TBC1D16: variants seen among roughly 807,000 people sequenced by gnomAD.
The protein encoded by TBC1D16 is TBC1 domain family member 16.
In TBC1D16, 58 loss-of-function variants were observed where a neutral mutation model predicts 74.7. The ratio of observed to expected loss-of-function variants is 0.78; its 90% CI spans 0.63 to 0.97. The LOEUF (loss-of-function observed/expected upper bound fraction) is 0.97, where lower values mean the gene tolerates loss of function less well. TBC1D16 is among the 50% of genes least tolerant of loss of function. The pLI, the probability that TBC1D16 is intolerant of heterozygous loss-of-function variation, is 0.00. For missense variants in TBC1D16, 1,014 were observed against 1,079.5 expected (o/e 0.94, Z 0.85); for synonymous variants, 493 against 474.7 (o/e 1.04, Z -0.50).
intron 3 of TBC1D16, among the ~76,000 whole-genome samples, chr17:79,976,392 T>C (rs1334424231): frequency 1.3e-5 from 2 of 152,174 alleles, no homozygotes; most frequent in African/African-American, 4.8e-5. Flanking sequence ...AGAAGCCCAC[T>C]GGACATTTGG....
rs62074518 is a variant in TBC1D16 at position 79,995,119 on chromosome 17, G to A, written c.779+15041C>T. Among the ~76,000 whole-genome samples the A allele has an allele frequency of 9.6e-3, 1,456 of 152,144 alleles. 17 individuals are homozygous for A. Among genetic ancestry groups the A allele is most frequent in the Non-Finnish European group, 0.016 (1,068 of 67,998 alleles). ...GTTCAAGACCAGCCTGGCCAACATG[G>A]TGAAACCCCATCTCTACTAAAAATA... On this transcript the variant is annotated intron_variant, in intron 3 of 11. Transcript: ENST00000310924.
In TBC1D16 at chr17:79,940,062, A is replaced by G. The variant is rs557288294; in HGVS notation, c.*797T>C. On this transcript the variant is annotated 3_prime_UTR_variant, in exon 12 of 12. Transcript: ENST00000310924. The surrounding 1 kb of genome is among the most constrained non-coding windows in gnomAD (Gnocchi z 5.4). The stretch of plus-strand genomic sequence containing the variant: ...TGCTGTATTTGGTGGAGTTGACCTT[A>G]AACAACGCCAAGGAACCTCACGTAG... The G allele has an allele frequency of 1.3e-5, 2 of 152,282 alleles. No individual in the cohort carries two copies. The highest frequency in any genetic ancestry group is 2.4e-5 in the African/African-American group (1 of 41,540). 9.4% of individuals were successfully genotyped at this position (152,282 alleles called of 1,614,324 possible). A position where few individuals can be genotyped will look rare whatever the true frequency, so the allele number is the denominator to read the frequency against.
chr17:79,983,015 C>T lies in TBC1D16; in HGVS notation c.779+27145G>A, dbSNP rs1291568034. The stretch of plus-strand genomic sequence containing the variant: ...CGTCATCCACGTTTGTGCGGAATCC[C>T]TGTGTGTGTGCACACGCATCCACCC... On this transcript the variant is annotated intron_variant, in intron 3 of 11. Transcript: ENST00000310924. The surrounding 1 kb of genome is among the most constrained non-coding windows in gnomAD (Gnocchi z 5.6). Among the ~76,000 whole-genome samples, 1 of 152,220 alleles carries T rather than the reference C, an allele frequency of 6.6e-6. No homozygotes were observed. Among genetic ancestry groups the T allele is most frequent in the Non-Finnish European group, 1.5e-5 (1 of 68,040 alleles).
intron 3 of TBC1D16, among the ~76,000 whole-genome samples, chr17:79,965,208 T>C (rs1385731088): frequency 4.6e-5 from 7 of 152,024 alleles, no homozygotes; most frequent in African/African-American, 1.7e-4. Context: ...GCCTCCCAAG[T>C]AGCTGGGATT....
rs907931266 is a variant in TBC1D16 at position 79,983,557 on chromosome 17, C to T, written c.779+26603G>A. ...CAGGCACGGGGAGCTGAGCCACCGACGGCTACAAAGACGGGGACGCTTTCC... is the reference window on the plus strand; with the variant it reads ...CAGGCACGGGGAGCTGAGCCACCGATGGCTACAAAGACGGGGACGCTTTCC... On this transcript the variant is annotated intron_variant, in intron 3 of 11. Transcript: ENST00000310924. This position sits in a 1 kb window ranked among gnomAD's most constrained non-coding sequence, Gnocchi z 5.6. 1.4e-4 allele frequency among the ~76,000 whole-genome samples: 22 copies of T among 152,226 alleles called. No individual in the cohort carries two copies. Among genetic ancestry groups the T allele is most frequent in the African/African-American group, 3.9e-4 (16 of 41,448 alleles).
rs1187638524 is a variant in TBC1D16 at position 79,990,904 on chromosome 17, C to A, written c.779+19256G>T. On this transcript the variant is annotated intron_variant, in intron 3 of 11. Coordinates refer to ENST00000310924, the MANE Select transcript of TBC1D16 (RefSeq NM_019020.4). The surrounding 1 kb of genome is among the most constrained non-coding windows in gnomAD (Gnocchi z 4.8). ...CGTCCTCAACTCATCCGTGTTGCGGCGCGTGTCAGAATTGCCTTCCCAAGG... is the reference window on the plus strand; with the variant it reads ...CGTCCTCAACTCATCCGTGTTGCGGAGCGTGTCAGAATTGCCTTCCCAAGG... Among the ~76,000 whole-genome samples, 1 of 152,222 alleles carries A rather than the reference C, an allele frequency of 6.6e-6. No homozygotes were observed. The highest frequency in any genetic ancestry group is 1.9e-4 in the East Asian group (1 of 5,194).
rs759693304 is a variant in TBC1D16 at position 79,940,998 on chromosome 17, G to A, written c.2165C>T (p.Ala722Val). The A allele has an allele frequency of 1.6e-5, 25 of 1,608,164 alleles. No individual in the cohort carries two copies. The highest frequency in any genetic ancestry group is 4.5e-5 in the East Asian group (2 of 44,644). ...GGGATGGTGGCCGGTGCACTCCACC[G>A]CGGGCATGGAGCCGCTGTCCCACAT... Reference protein sequence around the residue: ...SGMWDSGSMPAVECTGHHPGS... With the variant: ...SGMWDSGSMPVVECTGHHPGS... Residue 722 changes from alanine to valine, a missense_variant, in exon 12 of 12, where the codon GCG (alanine) becomes GTG (valine). Coordinates refer to ENST00000310924, the MANE Select transcript of TBC1D16 (RefSeq NM_019020.4). The surrounding 1 kb of genome is among the most constrained non-coding windows in gnomAD (Gnocchi z 5.4).
At chr17:79,958,698 C>T (rs1432936867) in intron 3 of TBC1D16, among the ~76,000 whole-genome samples, 1 of 152,218 alleles carries the variant, frequency 6.6e-6, no homozygotes, top group African/African-American at 2.4e-5. Context: ...ATCCAATGCT[C>T]ATTTATGACA....
intron 3 of TBC1D16, among the ~76,000 whole-genome samples, chr17:79,982,995 TCCA>T (rs1213351085): frequency 6.6e-6 from 1 of 152,216 alleles, no homozygotes; most frequent in African/African-American, 2.4e-5. Flanking sequence ...ACCTGCGTCA[TCCA>T]CGTTTGTGCG....
chr17:79,998,407 A>G (rs2035357819), intron 3 of TBC1D16, among the ~76,000 whole-genome samples: 1 of 151,496 alleles, frequency 6.6e-6, no homozygotes, highest in Admixed American at 6.6e-5. Context: ...AGCTCACTGC[A>G]ACCTCCGCAT....
Position 79,941,172 on chromosome 17 carries a change from G to A in TBC1D16, c.2056-65C>T, listed in dbSNP as rs1383815279. 1.4e-6 allele frequency: 2 copies of A among 1,469,618 alleles called. No homozygotes were observed. The highest frequency in any genetic ancestry group is 1.4e-5 in the African/African-American group (1 of 71,744). The allele number at this position is 1,469,618 out of a possible 1,614,324, so 91.0% of individuals were successfully genotyped here. On this transcript the variant is annotated intron_variant, in intron 11 of 11. Transcript: ENST00000310924. The surrounding 1 kb of genome is among the most constrained non-coding windows in gnomAD (Gnocchi z 4.3). ...CAGCCTGGCAGCCTAGGGTCCCCAT[G>A]GGAGTGGCCAAAGACAGCAACAGCA...
intron 1 of TBC1D16, among the ~76,000 whole-genome samples, chr17:80,022,170 A>T (rs1324682692): frequency 2.0e-5 from 3 of 149,784 alleles, no homozygotes; most frequent in Admixed American, 6.6e-5. Context: ...AATTCAAAGC[A>T]TATATTTACC....
chr17:79,971,568 C>T lies in TBC1D16; in HGVS notation c.780-18750G>A. ...GGTATCTTCCCATGTTGCTGGTAGA[C>T]ACCATTTTGGAATAATGGCTCAGGG... On this transcript the variant is annotated intron_variant, in intron 3 of 11. Coordinates refer to ENST00000310924, the MANE Select transcript of TBC1D16 (RefSeq NM_019020.4). This position sits in a 1 kb window ranked among gnomAD's most constrained non-coding sequence, Gnocchi z 4.6. Among the ~76,000 whole-genome samples, 1 of 152,116 alleles carries T rather than the reference C, an allele frequency of 6.6e-6. No individual in the cohort carries two copies. Among genetic ancestry groups the T allele is most frequent in the East Asian group, 1.9e-4 (1 of 5,196 alleles).
rs925764139 is a variant in TBC1D16, at chr17:80,027,726, T to C, written c.-63+8069A>G. ...GGCCAACATGGCGAAACCCCGTCTC[T>C]ACTAGAAATACAAAAACTAGCTGGG... is the stretch of plus-strand genomic sequence containing the variant. On this transcript the variant is annotated intron_variant, in intron 1 of 11. Transcript: ENST00000310924. Among the ~76,000 whole-genome samples the C allele has an allele frequency of 3.3e-5, 5 of 151,390 alleles. No individual in the cohort carries two copies. The East Asian group carries it at 9.8e-4, about 30-fold the overall frequency.
chr17:79,942,011 G>T, intron 11 of TBC1D16, 49 bp downstream of exon 11: 1 of 1,513,494 alleles, frequency 6.6e-7, no homozygotes, highest in East Asian at 2.4e-5. Flanking sequence ...TGGTGGGGTG[G>T]GGCTTTGGGG....
Position 79,954,784 on chromosome 17 carries a change from C to T in TBC1D16, c.780-1966G>A, listed in dbSNP as rs1479104131. On this transcript the variant is annotated intron_variant, in intron 3 of 11. Coordinates refer to ENST00000310924, the MANE Select transcript of TBC1D16 (RefSeq NM_019020.4). The surrounding 1 kb of genome is among the most constrained non-coding windows in gnomAD (Gnocchi z 5.5). ...GGCCCGGCCCACCCAGTGGGGCCAT[C>T]AGAGGGTGGTATCCTTTCCCGCCTC... 6.6e-6 allele frequency among the ~76,000 whole-genome samples: 1 copy of T among 152,166 alleles called. No individual in the cohort carries two copies. Among genetic ancestry groups the T allele is most frequent in the Non-Finnish European group, 1.5e-5 (1 of 68,024 alleles).
rs973419986 is a variant in TBC1D16, at chr17:79,983,978, C to T, written c.779+26182G>A. ...ATCTCCCAGGCTTAAGGGATCCTCC[C>T]TCCTCAGCCTCCCTGAGTAGCTGGG... On this transcript the variant is annotated intron_variant, in intron 3 of 11. Coordinates refer to ENST00000310924, the MANE Select transcript of TBC1D16 (RefSeq NM_019020.4). This position sits in a 1 kb window ranked among gnomAD's most constrained non-coding sequence, Gnocchi z 5.6. Among the ~76,000 whole-genome samples the T allele has an allele frequency of 7.6e-4, 115 of 151,802 alleles. No individual in the cohort carries two copies. Among genetic ancestry groups the T allele is most frequent in the African/African-American group, 2.8e-3 (114 of 41,368 alleles).
chr17:79,946,431 G>A (rs1472931554), intron 9 of TBC1D16, among the ~76,000 whole-genome samples: 1 of 152,216 alleles, frequency 6.6e-6, no homozygotes, highest in African/African-American at 2.4e-5. Flanking sequence ...ACCTCCTGCG[G>A]TGCGGCCAGT....
At chr17:79,963,968 TTG>T (rs938172792) in intron 3 of TBC1D16, among the ~76,000 whole-genome samples, 1 of 150,666 alleles carries the variant, frequency 6.6e-6, no homozygotes, top group African/African-American at 2.4e-5. Flanking sequence ...TGGTTGTTTT[TTG>T]TGTGTGTCTG....
Sources: allele counts gnomAD v4.1 joint callset (sites outside exome capture counted in the v4.1 genomes callset), GRCh38; gene constraint gnomAD v4.1.1; non-coding constraint Gnocchi (gnomAD v3.1); transcripts MANE v1.5; gene names NCBI Gene and HGNC (gene_info 2026-07-23, HGNC 2026-07-21).